AGTPBP1: variants seen among roughly 807,000 people sequenced by gnomAD.
The protein encoded by AGTPBP1 is cytosolic carboxypeptidase 1.
Under a neutral mutation model 143.9 loss-of-function variants are expected in AGTPBP1, and 70 were observed. The ratio of observed to expected loss-of-function variants is 0.49; its 90% CI spans 0.40 to 0.59. The LOEUF is 0.59. Ranked by LOEUF, AGTPBP1 falls within the 20% of genes least tolerant of loss-of-function variation. The pLI, the probability that AGTPBP1 is intolerant of heterozygous loss-of-function variation, is 0.00. For synonymous variants in AGTPBP1, 463 were observed against 500.2 expected (o/e 0.93, Z 0.99); for missense variants, 1,229 against 1,464.5 (o/e 0.84, Z 2.62).
chr9:85,604,910 G>A (rs983514259), intron 17 of AGTPBP1, among the ~76,000 whole-genome samples: 4 of 152,016 alleles, frequency 2.6e-5, no homozygotes, highest in Non-Finnish European at 5.9e-5. Flanking sequence ...TGAGCCTGAA[G>A]ACAGGCTATT....
rs369158768 is a variant in AGTPBP1, at chr9:85,633,045, A to C, written c.1632T>G (p.Ser544=). 6.2e-7 allele frequency: 1 copy of C among 1,614,192 alleles called. No individual in the cohort carries two copies. The highest frequency in any genetic ancestry group is 8.5e-7 in the Non-Finnish European group (1 of 1,180,028). ...CTGCAGTAAAACCTGGGGCTGTTTG[A>C]GAAGGAATATTCTGCAATGTAATTC... ...LDRITLQNIP[S]QTAPGFTAEM... Residue 544 remains serine, a synonymous_variant, in exon 14 of 26, where the codon TCT becomes TCG. Transcript: ENST00000357081.
At chr9:85,577,080 A>G (rs950457080) in intron 24 of AGTPBP1, among the ~76,000 whole-genome samples, 1 of 152,174 alleles carries the variant, frequency 6.6e-6, no homozygotes, top group African/African-American at 2.4e-5. Context: ...TGTGTTTTTA[A>G]AATGACCAAA....
the AGTPBP1 span, among the ~76,000 whole-genome samples, chr9:85,757,864 A>T: frequency 4.6e-5 from 7 of 152,196 alleles, no homozygotes. Flanking sequence ...TATTTTCTGA[A>T]GATTGAACCA....
At chr9:85,583,163 C>G (rs975816386) in intron 23 of AGTPBP1, among the ~76,000 whole-genome samples, 9 of 152,150 alleles carry the variant, frequency 5.9e-5, no homozygotes, top group African/African-American at 2.2e-4. Flanking sequence ...CACACGGCCT[C>G]AAAAATTAAT....
the AGTPBP1 span, chr9:85,765,258 C>T: frequency 4.9e-5 from 11 of 226,498 alleles, no homozygotes; most frequent in Non-Finnish European, 8.7e-5. Flanking sequence ...AGGGACTCTA[C>T]TGGAGGGCAC....
chr9:85,802,630 G>C, the AGTPBP1 span, among the ~76,000 whole-genome samples: 29,376 of 151,148 alleles, frequency 0.19, 2,937 homozygotes, highest in South Asian at 0.4. Context: ...ACCTAGAGTA[G>C]GCTAAACTGC....
At chr9:85,776,383 G>T in the AGTPBP1 span, among the ~76,000 whole-genome samples, 2 of 152,056 alleles carry the variant, frequency 1.3e-5, no homozygotes, top group Non-Finnish European at 2.9e-5. Context: ...TATTCTCTTT[G>T]CCTTTAGCAA....
chr9:85,792,721 C>T, the AGTPBP1 span, among the ~76,000 whole-genome samples: 1 of 152,172 alleles, frequency 6.6e-6, no homozygotes, highest in Non-Finnish European at 1.5e-5. Flanking sequence ...ATTTTTGTTA[C>T]ATAGCAAATA....
chr9:85,685,807 T>A (rs1772630165), intron 3 of AGTPBP1, among the ~76,000 whole-genome samples: 1 of 152,102 alleles, frequency 6.6e-6, no homozygotes, highest in Non-Finnish European at 1.5e-5. Context: ...TGTATACAGA[T>A]GTAGATACAT....
chr9:85,719,040 G>A (rs1837922805), intron 1 of AGTPBP1, among the ~76,000 whole-genome samples: 1 of 152,046 alleles, frequency 6.6e-6, no homozygotes, highest in Admixed American at 6.6e-5. Flanking sequence ...CCCTGTTTTG[G>A]TACCAGTACC....
At chr9:85,713,833 T>G (rs1837534582) in intron 1 of AGTPBP1, among the ~76,000 whole-genome samples, 1 of 152,376 alleles carries the variant, frequency 6.6e-6, no homozygotes, top group South Asian at 2.1e-4. Flanking sequence ...TGAGAAATTT[T>G]AAATTGTAAT....
intron 3 of AGTPBP1, among the ~76,000 whole-genome samples, chr9:85,688,827 T>C (rs1000324070): frequency 1.3e-5 from 2 of 152,234 alleles, no homozygotes; most frequent in African/African-American, 4.8e-5. Context: ...TATATGCTTG[T>C]TGCAACAATT....
chr9:85,619,356 A>G (rs1374886486), intron 15 of AGTPBP1, 55 bp from the exon 16 acceptor site: 16 of 1,218,726 alleles, frequency 1.3e-5, no homozygotes, highest in Non-Finnish European at 1.9e-5. Flanking sequence ...TAAACAGATG[A>G]GCAAAAAGTA....
chr9:85,641,704 C>CTT (rs533296927), intron 13 of AGTPBP1, among the ~76,000 whole-genome samples: 4 of 145,374 alleles, frequency 2.8e-5, no homozygotes, highest in Non-Finnish European at 4.6e-5. Flanking sequence ...ATAAATGTTT[C>CTT]TTTTTTTTTT....
At chr9:85,787,601 T>A in the AGTPBP1 span, among the ~76,000 whole-genome samples, 1 of 152,128 alleles carries the variant, frequency 6.6e-6, no homozygotes, top group Admixed American at 6.6e-5. Context: ...CAATTTAGTT[T>A]GGAATTAAGA....
intron 2 of AGTPBP1, among the ~76,000 whole-genome samples, chr9:85,695,845 A>T (rs62569250): frequency 0.017 from 2,528 of 149,534 alleles, 26 homozygotes; most frequent in Middle Eastern, 0.056. Flanking sequence ...CTTTTCTTTT[A>T]CTTTTTTTTT....
chr9:85,675,709 C>T (rs62569210), intron 6 of AGTPBP1, among the ~76,000 whole-genome samples: 2,548 of 152,252 alleles, frequency 0.017, 26 homozygotes, highest in Middle Eastern at 0.054. Flanking sequence ...TCCTCAGTTA[C>T]TGCAGGTCAC....
chr9:85,804,657 G>A, the AGTPBP1 span, among the ~76,000 whole-genome samples: 1 of 152,214 alleles, frequency 6.6e-6, no homozygotes, highest in Non-Finnish European at 1.5e-5. Context: ...GCTGGGTGCC[G>A]GCTCTGCCGT....
chr9:85,680,562 C>T (rs769342144), intron 4 of AGTPBP1, among the ~76,000 whole-genome samples: 8 of 149,084 alleles, frequency 5.4e-5, no homozygotes, highest in Admixed American at 2.7e-4. Context: ...CCAGCTTGGG[C>T]GACAGAGTGA....
Sources: gnomAD v4.1 joint callset for allele counts (sites outside exome capture counted in the v4.1 genomes callset) on GRCh38, gnomAD v4.1.1 for gene constraint, MANE v1.5 for transcripts, NCBI Gene and HGNC (gene_info 2026-07-23, HGNC 2026-07-21) for gene names.